The following RAD51B variants were observed in gnomAD, a reference collection of about 807,000 sequenced individuals.
RAD51B encodes the protein RAD51 paralog B.
Under a neutral mutation model 42.2 loss-of-function variants are expected in RAD51B, and 38 were observed. The observed-to-expected ratio is 0.90, with a 90% CI of 0.70 to 1.18. The LOEUF is 1.18. Among genes scored for constraint, RAD51B ranks in the 50% most tolerant of loss-of-function variants. RAD51B has a pLI of 0.00. For synonymous variants in RAD51B, 154 were observed against 145.2 expected (o/e 1.06, Z -0.43); for missense variants, 373 against 400.7 (o/e 0.93, Z 0.59).
At chr14:68,430,512 T>C (rs1248924108) in intron 9 of RAD51B, among the ~76,000 whole-genome samples, 1 of 152,236 alleles carries the variant, frequency 6.6e-6, no homozygotes, top group Non-Finnish European at 1.5e-5. Flanking sequence ...TTGAAGCAAT[T>C]GTGAATGGGA....
At chr14:68,521,827 T>C (rs1436055150) in intron 10 of RAD51B, among the ~76,000 whole-genome samples, 2 of 152,216 alleles carry the variant, frequency 1.3e-5, no homozygotes, top group African/African-American at 4.8e-5. Flanking sequence ...CATCTGACAA[T>C]TACAGTAGCT....
chr14:68,091,911 A>G (rs2077106069), intron 7 of RAD51B, among the ~76,000 whole-genome samples: 1 of 152,278 alleles, frequency 6.6e-6, no homozygotes, highest in East Asian at 1.9e-4. Flanking sequence ...TCAGCTTTCT[A>G]CATATAGCTA....
At chr14:68,232,477 T>TA (rs1393446227) in intron 7 of RAD51B, among the ~76,000 whole-genome samples, 5 of 152,208 alleles carry the variant, frequency 3.3e-5, no homozygotes, top group Non-Finnish European at 7.3e-5. Flanking sequence ...AGCACTGTGC[T>TA]AGGTGCATTG....
At chr14:68,344,946 CAAA>C (rs34579667) in intron 8 of RAD51B, among the ~76,000 whole-genome samples, 3 of 113,256 alleles carry the variant, frequency 2.6e-5, no homozygotes, top group African/African-American at 3.1e-5. Context: ...GACTCAATCT[CAAA>C]AAAAAAAAAA....
At chr14:68,443,646 A>C (rs2085353043) in intron 9 of RAD51B, among the ~76,000 whole-genome samples, 1 of 151,960 alleles carries the variant, frequency 6.6e-6, no homozygotes. Flanking sequence ...TCCATTTTTC[A>C]AATGCTCAAA....
At chr14:68,398,100 A>G (rs2083979346) in intron 8 of RAD51B, among the ~76,000 whole-genome samples, 1 of 152,254 alleles carries the variant, frequency 6.6e-6, no homozygotes, top group South Asian at 2.1e-4. Context: ...ATTCTCCACC[A>G]TGACGTGCTC....
intron 10 of RAD51B, among the ~76,000 whole-genome samples, chr14:68,519,074 T>A (rs1886385948): frequency 6.6e-6 from 1 of 152,220 alleles, no homozygotes; most frequent in African/African-American, 2.4e-5. Context: ...ATGTCATATT[T>A]GTAGCTTGAG....
At chr14:67,983,861 G>A (rs1476145303) in intron 7 of RAD51B, among the ~76,000 whole-genome samples, 9 of 151,546 alleles carry the variant, frequency 5.9e-5, no homozygotes, top group African/African-American at 2.2e-4. Context: ...AACTACTTTG[G>A]TGATATAAAA....
chr14:67,958,181 T>C (rs1411712177), intron 7 of RAD51B, among the ~76,000 whole-genome samples: 1 of 152,184 alleles, frequency 6.6e-6, no homozygotes, highest in Non-Finnish European at 1.5e-5. Flanking sequence ...ACAGGAACCA[T>C]GTCTGTTTAT....
chr14:67,820,668 T>C (rs976027873), intron 1 of RAD51B, among the ~76,000 whole-genome samples: 11 of 152,108 alleles, frequency 7.2e-5, no homozygotes, highest in African/African-American at 2.4e-4. Context: ...GACTTGACTC[T>C]GGGGAAGGTT....
intron 7 of RAD51B, among the ~76,000 whole-genome samples, chr14:68,260,009 T>G (rs778352040): frequency 6.6e-6 from 1 of 151,972 alleles, no homozygotes; most frequent in Admixed American, 6.6e-5. Context: ...ATAACAAATA[T>G]ATAAGATATT....
chr14:67,835,159 C>G lies in RAD51B; in HGVS notation c.278C>G (p.Ala93Gly), dbSNP rs1184345789. 1.2e-6 allele frequency: 2 copies of G among 1,613,878 alleles called. No homozygotes were observed. The highest frequency in any genetic ancestry group is 1.3e-5 in the African/African-American group (1 of 74,912). ...ACTACCCTTTCTGCTTTGGACGAAG[C>G]CCTGCATGGTGGTGTGGCTTGTGGA... ...LSTTLSALDE[A>G]LHGGVACGSL... The change falls in exon 4 of 11, where the codon GCC becomes GGC. Residue 93 changes from alanine to glycine, a missense_variant. Coordinates refer to ENST00000471583, the MANE Select transcript of RAD51B (RefSeq NM_133510.4).
chr14:67,910,954 G>A (rs1408812851), intron 7 of RAD51B, among the ~76,000 whole-genome samples: 2 of 151,918 alleles, frequency 1.3e-5, no homozygotes, highest in Non-Finnish European at 2.9e-5. Context: ...TGGGACCACA[G>A]GCATGCTCCA....
At chr14:68,448,098 T>C (rs1162564846) in intron 9 of RAD51B, among the ~76,000 whole-genome samples, 1 of 152,184 alleles carries the variant, frequency 6.6e-6, no homozygotes, top group East Asian at 1.9e-4. Flanking sequence ...AGTTGGCCCA[T>C]ACTGAGGAGG....
At chr14:68,006,360 T>C (rs2075592499) in intron 7 of RAD51B, among the ~76,000 whole-genome samples, 1 of 152,194 alleles carries the variant, frequency 6.6e-6, no homozygotes, top group African/African-American at 2.4e-5. Flanking sequence ...TTCTATTTCC[T>C]TTTGAGATCT....
At chr14:67,972,272 T>A (rs1181289688) in intron 7 of RAD51B, among the ~76,000 whole-genome samples, 2 of 152,056 alleles carry the variant, frequency 1.3e-5, no homozygotes, top group African/African-American at 4.8e-5. Flanking sequence ...TATTGTTAAA[T>A]AAGATATGAT....
intron 7 of RAD51B, among the ~76,000 whole-genome samples, chr14:68,213,069 C>G (rs1299188356): frequency 6.6e-6 from 1 of 152,178 alleles, no homozygotes; most frequent in Non-Finnish European, 1.5e-5. Context: ...TCTAGTGATG[C>G]TGTTCTATCC....
intron 7 of RAD51B, among the ~76,000 whole-genome samples, chr14:68,117,532 C>G (rs2077571104): frequency 6.6e-6 from 1 of 152,136 alleles, no homozygotes; most frequent in African/African-American, 2.4e-5. Context: ...CTTTCCCTCT[C>G]ATAGAATAGC....
chr14:68,387,556 T>A (rs527732271), intron 8 of RAD51B, among the ~76,000 whole-genome samples: 1 of 152,358 alleles, frequency 6.6e-6, no homozygotes, highest in Non-Finnish European at 1.5e-5. Flanking sequence ...AGGCATGTTT[T>A]CTGTACGTCT....
Sources: allele counts gnomAD v4.1 joint callset (sites outside exome capture counted in the v4.1 genomes callset), GRCh38; gene constraint gnomAD v4.1.1; transcripts MANE v1.5; gene names NCBI Gene and HGNC (gene_info 2026-07-23, HGNC 2026-07-21).